NNMT: variants seen among roughly 807,000 people sequenced by gnomAD.
NNMT encodes nicotinamide N-methyltransferase.
A neutral mutation model predicts 11.7 loss-of-function variants in NNMT; 10 were observed. That is an observed-to-expected ratio of 0.85 (90% CI 0.53 to 1.45). The LOEUF (loss-of-function observed/expected upper bound fraction) is 1.45, where lower values mean the gene tolerates loss of function less well. Ranked by LOEUF, NNMT falls within the 40% of genes most tolerant of loss-of-function variation. The probability of loss-of-function intolerance (pLI) is 0.00; values close to 1 mark genes in which losing one functional copy is unlikely to be tolerated. For synonymous variants in NNMT, 143 were observed against 133.8 expected (o/e 1.07, Z -0.48); for missense variants, 381 against 319.4 (o/e 1.19, Z -1.47).
intron 2 of NNMT, among the ~76,000 whole-genome samples, chr11:114,287,623 T>C (rs1945308362): frequency 6.6e-6 from 1 of 152,228 alleles, no homozygotes; most frequent in Non-Finnish European, 1.5e-5. Context: ...CTACCAATAC[T>C]ACTCTGTCTT....
At chr11:114,274,098 TG>T (rs1945194635) in intron 2 of NNMT, among the ~76,000 whole-genome samples, 2 of 152,200 alleles carry the variant, frequency 1.3e-5, no homozygotes, top group Admixed American at 1.3e-4. Context: ...TGCTCAGTCA[TG>T]TCTAAGGCTG....
intron 2 of NNMT, among the ~76,000 whole-genome samples, chr11:114,274,151 A>T (rs1945195092): frequency 6.6e-6 from 1 of 152,204 alleles, no homozygotes; most frequent in African/African-American, 2.4e-5. Flanking sequence ...CTGCATTCCC[A>T]AGTGGTTGAC....
At chr11:114,295,420 T>A (rs1422010030), upstream of NNMT, among the ~76,000 whole-genome samples, 1 of 31,590 alleles carries the variant, frequency 3.2e-5, no homozygotes, top group Non-Finnish European at 5.5e-5. Flanking sequence ...TAAAGAATTC[T>A]TTTTTTTTTT....
At chr11:114,263,084 C>T (rs1945095966) in intron 2 of NNMT, 1 of 152,226 alleles carries the variant, frequency 6.6e-6, no homozygotes, top group Admixed American at 6.5e-5. Flanking sequence ...TCCTCCTTCA[C>T]CCCCATCCCA....
intron 2 of NNMT, among the ~76,000 whole-genome samples, chr11:114,286,565 A>C (rs1056073571): frequency 2.6e-5 from 4 of 152,224 alleles, no homozygotes; most frequent in African/African-American, 9.7e-5. Context: ...AGATTGAATA[A>C]AAAGGAAGTC....
intron 2 of NNMT, among the ~76,000 whole-genome samples, chr11:114,310,894 A>G (rs1049192757): frequency 2.5e-4 from 38 of 152,126 alleles, no homozygotes; most frequent in African/African-American, 9.2e-4. Flanking sequence ...CACTCTGTTT[A>G]TTTAATTTTG....
In NNMT at chr11:114,312,227, A is replaced by G; in HGVS notation, c.545A>G (p.Asn182Ser). 6.2e-7 allele frequency: 1 copy of G among 1,614,140 alleles called. No homozygotes were observed. The highest frequency in any genetic ancestry group is 8.5e-7 in the Non-Finnish European group (1 of 1,180,014). ...CCCACCTACTGCAGGGCGCTCAGGA[A>G]CCTCGGCAGCCTACTGAAGCCAGGG... The part of the protein sequence containing the change: ...DLPTYCRALR[N>S]LGSLLKPGGF... Residue 182 changes from asparagine (N) to serine (S), a missense_variant, in exon 3 of 3, where the codon AAC becomes AGC. Coordinates refer to ENST00000299964, the MANE Select transcript of NNMT (RefSeq NM_006169.3).
Position 114,312,349 on chromosome 11 carries a change from G to T in NNMT, c.667G>T (p.Ala223Ser). 1.9e-6 allele frequency: 3 copies of T among 1,614,246 alleles called. No individual in the cohort carries two copies. Among genetic ancestry groups the T allele is most frequent in the Non-Finnish European group, 8.5e-7 (1 of 1,180,044 alleles). ...CCCCCTGGGCCGGGAGGCAGTAGAG[G>T]CTGCTGTGAAAGAGGCTGGCTACAC... ...SLPLGREAVE[A>S]AVKEAGYTIE... Residue 223 changes from alanine to serine, a missense_variant, in exon 3 of 3, where the codon GCT (alanine) becomes TCT (serine). Ala to Ser is a moderately conservative substitution (Grantham distance 99). Coordinates refer to ENST00000299964, the MANE Select transcript of NNMT (RefSeq NM_006169.3).
chr11:114,274,253 C>T (rs937277390), intron 2 of NNMT, among the ~76,000 whole-genome samples: 1 of 152,238 alleles, frequency 6.6e-6, no homozygotes, highest in Admixed American at 6.5e-5. Flanking sequence ...TGCTTCGATA[C>T]TGACGATTTA....
intron 2 of NNMT, among the ~76,000 whole-genome samples, chr11:114,275,655 GT>G (rs1945208110): frequency 6.6e-6 from 1 of 152,050 alleles, no homozygotes; most frequent in Non-Finnish European, 1.5e-5. Context: ...TAGGGTTATG[GT>G]TAGGTTTTGT....
intron 1 of NNMT, among the ~76,000 whole-genome samples, chr11:114,260,367 G>A (rs1233731853): frequency 1.3e-5 from 2 of 152,228 alleles, no homozygotes; most frequent in African/African-American, 2.4e-5. Context: ...AACTGAAACT[G>A]CTTTTTTGCT....
chr11:114,287,014 C>G (rs1452344206), intron 2 of NNMT, among the ~76,000 whole-genome samples: 10 of 152,152 alleles, frequency 6.6e-5, no homozygotes, highest in Admixed American at 6.5e-4. Context: ...GATTAAGGAT[C>G]TTTTCCTAGG....
At chr11:114,282,755 G>A (rs1945271175) in intron 2 of NNMT, among the ~76,000 whole-genome samples, 1 of 152,266 alleles carries the variant, frequency 6.6e-6, no homozygotes, top group South Asian at 2.1e-4. Flanking sequence ...GGGCCTTAGA[G>A]CCACACAATG....
At chr11:114,298,263 A>G (rs1344853873) in intron 2 of NNMT, 105 bp downstream of exon 2, 2 of 927,038 alleles carry the variant, frequency 2.2e-6, no homozygotes, top group African/African-American at 3.3e-5. Flanking sequence ...ATGGAGAATG[A>G]GTGGTAACGA....
chr11:114,261,256 T>G (rs760882452), intron 1 of NNMT, among the ~76,000 whole-genome samples: 32 of 152,172 alleles, frequency 2.1e-4, no homozygotes, highest in Non-Finnish European at 4.0e-4. Flanking sequence ...TAAGGCCGCC[T>G]GGAAAGCAAC....
At chr11:114,269,367 C>T (rs1459613701) in intron 2 of NNMT, 1 of 152,202 alleles carries the variant, frequency 6.6e-6, no homozygotes, top group Non-Finnish European at 1.5e-5. Flanking sequence ...AATCCAACTT[C>T]TGGGCAGACT....
In NNMT at chr11:114,312,871, T is replaced by C. The variant is rs1050651658; in HGVS notation, c.*394T>C. 5.6e-6 allele frequency: 1 copy of C among 179,118 alleles called. No individual in the cohort carries two copies. The highest frequency in any genetic ancestry group is 2.4e-5 in the African/African-American group (1 of 42,482). 11.1% of individuals were successfully genotyped at this position (179,118 alleles called of 1,614,324 possible). On this transcript the variant is annotated 3_prime_UTR_variant, in exon 3 of 3. Transcript: ENST00000299964. The stretch of plus-strand genomic sequence containing the variant: ...CTCTCCCAGGAATGGGCTTCTCCTA[T>C]TCTTTAACTCTTGCCTTCTCCCTGG...
intron 2 of NNMT, among the ~76,000 whole-genome samples, chr11:114,288,819 A>G (rs960966998): frequency 4.6e-5 from 7 of 152,214 alleles, no homozygotes; most frequent in Non-Finnish European, 2.9e-5. Context: ...CATATTTGCT[A>G]CTTTATTGAC....
intron 2 of NNMT, chr11:114,270,480 C>T (rs908844233): frequency 1.3e-5 from 2 of 152,130 alleles, no homozygotes; most frequent in Non-Finnish European, 2.9e-5. Context: ...AGAGTGATTT[C>T]CCTTACTCCC....
Sources: gnomAD v4.1 joint callset for allele counts (sites outside exome capture counted in the v4.1 genomes callset) on GRCh38, gnomAD v4.1.1 for gene constraint, MANE v1.5 for transcripts, NCBI Gene and HGNC (gene_info 2026-07-23, HGNC 2026-07-21) for gene names.